The following CCDC169 variants were observed in gnomAD, a reference collection of about 807,000 sequenced individuals.
The protein encoded by CCDC169 is coiled-coil domain containing 169, also known as coiled-coil domain-containing protein 169.
CCDC169 carries 30 observed loss-of-function variants against 36.0 expected under a neutral mutation model. That is an observed-to-expected ratio of 0.83 (90% CI 0.62 to 1.13). The LOEUF is 1.13. CCDC169 is among the 50% of genes most tolerant of loss of function. The pLI is 0.00. For missense variants in CCDC169, 245 were observed against 245.9 expected (o/e 1.00, Z 0.03); for synonymous variants, 85 against 81.5 (o/e 1.04, Z -0.23).
chr13:36,272,071 T>C (rs1411854397), intron 4 of CCDC169, among the ~76,000 whole-genome samples: 1 of 142,162 alleles, frequency 7.0e-6, no homozygotes, highest in African/African-American at 2.6e-5. Context: ...GGTGACAGAG[T>C]GAGGCTCCGT....
At chr13:36,254,274 A>AATT (rs745490666) in intron 4 of CCDC169, 131 bp from the exon 5 acceptor site, 51,444 of 407,716 alleles carry the variant, frequency 0.13, 3,270 homozygotes, top group Non-Finnish European at 0.14. Context: ...TATGATATGT[A>AATT]CTTTTTTTTT....
At chr13:36,297,496 T>C (rs1879670374) in intron 1 of CCDC169, 141 bp downstream of exon 1, 4 of 733,796 alleles carry the variant, frequency 5.5e-6, no homozygotes, top group South Asian at 4.9e-5. Context: ...TGGAATACTT[T>C]TGGAACCCAG....
At chr13:36,257,423 C>T (rs1208323051) in intron 4 of CCDC169, among the ~76,000 whole-genome samples, 2 of 152,152 alleles carry the variant, frequency 1.3e-5, no homozygotes, top group African/African-American at 4.8e-5. Flanking sequence ...GTCTGTCTAC[C>T]GGCTGGGCGT....
chr13:36,285,879 A>G (rs1204462382), intron 2 of CCDC169, among the ~76,000 whole-genome samples: 1 of 152,210 alleles, frequency 6.6e-6, no homozygotes, highest in Non-Finnish European at 1.5e-5. Context: ...TCCCTTTGAA[A>G]GCCCCCTGCC....
intron 4 of CCDC169, among the ~76,000 whole-genome samples, chr13:36,259,095 C>T (rs1408125984): frequency 6.6e-6 from 1 of 152,150 alleles, no homozygotes; most frequent in African/African-American, 2.4e-5. Flanking sequence ...CAGGGACTCC[C>T]AGGATCCTGC....
chr13:36,250,759 G>C (rs1873052117), intron 6 of CCDC169, among the ~76,000 whole-genome samples: 1 of 152,194 alleles, frequency 6.6e-6, no homozygotes, highest in Non-Finnish European at 1.5e-5. Flanking sequence ...TTGCAGGAGT[G>C]TAGACTTGTT....
intron 4 of CCDC169, among the ~76,000 whole-genome samples, chr13:36,279,567 G>A (rs1877251757): frequency 6.6e-6 from 1 of 152,146 alleles, no homozygotes; most frequent in African/African-American, 2.4e-5. Flanking sequence ...TATAGAGGTG[G>A]CAAGTAGGTT....
Position 36,233,773 on chromosome 13 carries a change from A to C in CCDC169, c.546-2481T>G, listed in dbSNP as rs1255756719. Among the ~76,000 whole-genome samples, 4 of 152,350 alleles carry C rather than the reference A, an allele frequency of 2.6e-5. No individual in the cohort carries two copies. In the East Asian group the frequency reaches 7.7e-4, roughly 29 times the overall value. ...GTCTGGTTTGAGCAAGAGATAACAA[A>C]GAATAAAGTGAAGGAAATTAAAATA... On this transcript the variant is annotated intron_variant, in intron 7 of 7. Coordinates refer to ENST00000239859, the MANE Select transcript of CCDC169 (RefSeq NM_001144981.3).
chr13:36,278,901 C>T (rs1877171131), intron 4 of CCDC169, among the ~76,000 whole-genome samples: 1 of 152,208 alleles, frequency 6.6e-6, no homozygotes, highest in Admixed American at 6.5e-5. Context: ...CAAAACTAAA[C>T]TTACCATTTC....
chr13:36,262,430 C>T (rs749289130), intron 4 of CCDC169, among the ~76,000 whole-genome samples: 17 of 152,156 alleles, frequency 1.1e-4, no homozygotes, highest in Non-Finnish European at 2.5e-4. Flanking sequence ...CTCCTACTGG[C>T]CCTGTCCTGG....
intron 4 of CCDC169, among the ~76,000 whole-genome samples, chr13:36,281,690 C>T (rs910188932): frequency 9.9e-5 from 15 of 151,952 alleles, no homozygotes; most frequent in Admixed American, 2.6e-4. Context: ...GGTGAAACCT[C>T]GTCTCTACTA....
intron 7 of CCDC169, among the ~76,000 whole-genome samples, chr13:36,240,050 T>TA (rs1448634780): frequency 6.6e-6 from 1 of 152,150 alleles, no homozygotes; most frequent in Non-Finnish European, 1.5e-5. Context: ...AAACTTAGCA[T>TA]ACACAGGGTG....
chr13:36,271,598 T>C (rs899458659), intron 4 of CCDC169, among the ~76,000 whole-genome samples: 1 of 152,168 alleles, frequency 6.6e-6, no homozygotes, highest in African/African-American at 2.4e-5. Flanking sequence ...TGAAATAATG[T>C]CTTTTGCAGT....
At chr13:36,255,796 C>T (rs1449060697) in intron 4 of CCDC169, among the ~76,000 whole-genome samples, 1 of 152,164 alleles carries the variant, frequency 6.6e-6, no homozygotes, top group Non-Finnish European at 1.5e-5. Context: ...GAAGGATGCA[C>T]CTAAGCTACC....
Position 36,239,248 on chromosome 13 carries a change from GAAAA to G in CCDC169, c.546-7960_546-7957del, listed in dbSNP as rs56690598. Among the ~76,000 whole-genome samples, 32 of 147,454 alleles carry G rather than the reference GAAAA, an allele frequency of 2.2e-4. No homozygotes were observed. In the South Asian group the frequency reaches 2.4e-3, roughly 11 times the overall value. On this transcript the variant is annotated intron_variant, in intron 7 of 7. Transcript: ENST00000239859. ...ACAAGACCTGTCTCTTTAAAAAAAAGAAAAAAAAAAAAACAGAAAAAGAAGTATC... is the reference window on the plus strand; with the variant it reads ...ACAAGACCTGTCTCTTTAAAAAAAAGAAAAAAAAACAGAAAAAGAAGTATC...
intron 4 of CCDC169, among the ~76,000 whole-genome samples, chr13:36,269,832 G>A (rs1478498958): frequency 1.3e-5 from 2 of 152,114 alleles, no homozygotes; most frequent in African/African-American, 4.8e-5. Context: ...TGAACGGGGA[G>A]AAGTTGAAAG....
downstream of CCDC169, chr13:36,227,114 T>A: frequency 1.2e-6 from 1 of 854,932 alleles, no homozygotes; most frequent in Non-Finnish European, 1.7e-6. Flanking sequence ...TCCCAATCTT[T>A]TCTGTACAAT....
At chr13:36,223,647 A>C (rs1869722092), downstream of CCDC169, 1 of 152,092 alleles carries the variant, frequency 6.6e-6, no homozygotes, top group Admixed American at 6.6e-5. Flanking sequence ...ATTCTGGTAT[A>C]CTCTGCCCTT....
chr13:36,264,652 T>G (rs908809557), intron 4 of CCDC169, among the ~76,000 whole-genome samples: 1 of 152,204 alleles, frequency 6.6e-6, no homozygotes, highest in Non-Finnish European at 1.5e-5. Context: ...GCTTAAAAAT[T>G]TTTAATATAC....
Sources: allele counts gnomAD v4.1 joint callset (sites outside exome capture counted in the v4.1 genomes callset), GRCh38; gene constraint gnomAD v4.1.1; transcripts MANE v1.5; gene names NCBI Gene and HGNC (gene_info 2026-07-23, HGNC 2026-07-21).